The following TVP23B variants were observed in gnomAD, a reference collection of about 807,000 sequenced individuals.
The protein encoded by TVP23B is trans-golgi network vesicle protein 23 homolog B.
In TVP23B, 10 loss-of-function variants were observed where a neutral mutation model predicts 30.6. The observed-to-expected ratio is 0.33, with a 90% CI of 0.20 to 0.55. The LOEUF is 0.55. TVP23B is among the 20% of genes least tolerant of loss of function. The pLI is 0.91. For missense variants in TVP23B, 153 were observed against 243.2 expected (o/e 0.63, Z 2.47); for synonymous variants, 67 against 83.1 (o/e 0.81, Z 1.06).
At chr17:18,792,720 C>T (rs1463712296) in intron 3 of TVP23B, among the ~76,000 whole-genome samples, 1 of 152,000 alleles carries the variant, frequency 6.6e-6, no homozygotes, top group African/African-American at 2.4e-5. Context: ...TGTTTTTAAA[C>T]AAGGGCTTAA....
At chr17:18,797,354 G>A (rs2036091468) in intron 3 of TVP23B, 2 of 526,870 alleles carry the variant, frequency 3.8e-6, no homozygotes, top group African/African-American at 1.9e-5. Flanking sequence ...ATGTTTATGG[G>A]TGGACTTGTT....
chr17:18,783,497 C>T (rs1366724619), intron 1 of TVP23B, among the ~76,000 whole-genome samples: 1 of 152,230 alleles, frequency 6.6e-6, no homozygotes, highest in Non-Finnish European at 1.5e-5. Flanking sequence ...AGCCCCTTCA[C>T]CCTCTCGCCT....
intron 1 of TVP23B, among the ~76,000 whole-genome samples, chr17:18,785,612 G>A (rs1012097000): frequency 3.3e-5 from 5 of 152,094 alleles, no homozygotes; most frequent in African/African-American, 4.8e-5. Context: ...GGTGGCTCAT[G>A]CCTCTAATCG....
Position 18,789,388 on chromosome 17 carries a change from T to G in TVP23B, c.48T>G (p.Phe16Leu). The G allele has an allele frequency of 6.2e-7, 1 of 1,614,016 alleles. No homozygotes were observed. Among genetic ancestry groups the G allele is most frequent in the Non-Finnish European group, 8.5e-7 (1 of 1,179,874 alleles). Residue 16 changes from phenylalanine to leucine, a missense_variant, in exon 2 of 7, where the codon TTT (phenylalanine) becomes TTG (leucine). Coordinates refer to ENST00000307767, the MANE Select transcript of TVP23B (RefSeq NM_016078.6). The stretch of plus-strand genomic sequence containing the variant: ...ATGACACTGAAGATGTTTCACTGTT[T>G]GATGCGGAAGAGGAGACGACTAATA... ...SNDDTEDVSL[F>L]DAEEETTNRP...
chr17:18,790,260 T>TA (rs958660856), intron 2 of TVP23B, among the ~76,000 whole-genome samples: 2 of 151,808 alleles, frequency 1.3e-5, no homozygotes, highest in African/African-American at 2.4e-5. Flanking sequence ...GTCAGGAGAT[T>TA]GAGATCATCC....
chr17:18,782,976 A>G (rs1014100919), intron 1 of TVP23B, among the ~76,000 whole-genome samples: 3 of 150,570 alleles, frequency 2.0e-5, no homozygotes, highest in African/African-American at 7.3e-5. Flanking sequence ...CCCAGCTCCT[A>G]TTGAAGATGG....
intron 1 of TVP23B, among the ~76,000 whole-genome samples, chr17:18,786,568 C>A (rs545569558): frequency 6.6e-6 from 1 of 152,220 alleles, no homozygotes; most frequent in African/African-American, 2.4e-5. Flanking sequence ...CGGTGGATCT[C>A]AATCTTGCTG....
chr17:18,783,092 G>C lies in TVP23B; in HGVS notation c.12+1787G>C, dbSNP rs8070325. ...TGTTCCCACTATTTATTTATTTATT[G>C]ATTGATTGATTGATTCATTCATTCA... On this transcript the variant is annotated intron_variant, in intron 1 of 6. Transcript: ENST00000307767. Among the ~76,000 whole-genome samples, 28 of 78,228 alleles carry C rather than the reference G, an allele frequency of 3.6e-4. No homozygotes were observed. In the East Asian group the frequency reaches 4.6e-3, roughly 13 times the overall value. 51.3% of individuals were successfully genotyped at this position (78,228 alleles called of 152,430 possible).
intron 5 of TVP23B, among the ~76,000 whole-genome samples, chr17:18,803,575 G>A (rs1417129782): frequency 1.3e-5 from 2 of 152,236 alleles, no homozygotes; most frequent in Non-Finnish European, 2.9e-5. Flanking sequence ...AAACAGCTCT[G>A]CAAAAGTACA....
intron 1 of TVP23B, among the ~76,000 whole-genome samples, chr17:18,783,184 C>T (rs1297579054): frequency 6.6e-6 from 1 of 151,492 alleles, no homozygotes; most frequent in Admixed American, 6.6e-5. Flanking sequence ...CGGCTCACTG[C>T]AACCTCTGCC....
At chr17:18,798,042 CTTTCA>C (rs1444403268) in intron 4 of TVP23B, among the ~76,000 whole-genome samples, 8 of 151,990 alleles carry the variant, frequency 5.3e-5, no homozygotes, top group Non-Finnish European at 1.0e-4. Flanking sequence ...CTGTGGTCGT[CTTTCA>C]TTTCTGGGCA....
Position 18,806,096 on chromosome 17 carries a change from G to T in TVP23B, c.*529G>T. 1.0e-6 allele frequency: 1 copy of T among 971,292 alleles called. No homozygotes were observed. The highest frequency in any genetic ancestry group is 1.1e-4 in the East Asian group (1 of 8,752). 60.2% of individuals were successfully genotyped at this position (971,292 alleles called of 1,614,324 possible). On this transcript the variant is annotated 3_prime_UTR_variant, in exon 7 of 7. Transcript: ENST00000307767. The stretch of plus-strand genomic sequence containing the variant: ...CACTTCGTGGGGAAATTTCTTAGAC[G>T]TATGCAAGCAAGTGAAAACAATTAG...
chr17:18,797,268 A>T (rs1473221522), intron 3 of TVP23B: 2 of 296,926 alleles, frequency 6.7e-6, no homozygotes, highest in Non-Finnish European at 1.3e-5. Context: ...CACAGTAACC[A>T]AATAGCAAGG....
At position 18,806,233 on chromosome 17, in the gene TVP23B, A is replaced by G. The variant is rs567049141; in HGVS notation, c.*666A>G. The G allele has an allele frequency of 6.3e-6, 6 of 949,412 alleles. No homozygotes were observed. The East Asian group carries it at 3.5e-4, about 55-fold the overall frequency. The allele number at this position is 949,412 out of a possible 1,614,324, so 58.8% of individuals were successfully genotyped here. On this transcript the variant is annotated 3_prime_UTR_variant, in exon 7 of 7. Coordinates refer to ENST00000307767, the MANE Select transcript of TVP23B (RefSeq NM_016078.6). ...ATCATAGTTTAAGGAATACCCAGAG[A>G]TTGCTGCTGTTCTATTTATTTTACA...
intron 1 of TVP23B, among the ~76,000 whole-genome samples, chr17:18,788,122 G>A (rs1376123010): frequency 2.6e-5 from 4 of 151,450 alleles, no homozygotes. Flanking sequence ...GGATCACAAG[G>A]TCATGAAATC....
intron 5 of TVP23B, 46 bp downstream of exon 5, chr17:18,798,989 A>G (rs1035752900): frequency 6.3e-7 from 1 of 1,579,150 alleles, no homozygotes; most frequent in Non-Finnish European, 8.6e-7. Context: ...AAGATGTCTG[A>G]TGGTAATCAT....
intron 1 of TVP23B, among the ~76,000 whole-genome samples, chr17:18,784,022 G>T (rs1177734309): frequency 6.6e-6 from 1 of 152,064 alleles, no homozygotes; most frequent in African/African-American, 2.4e-5. Flanking sequence ...GCGGGCACCT[G>T]TAGTCCCAGC....
At chr17:18,782,927 G>C (rs1384718652) in intron 1 of TVP23B, among the ~76,000 whole-genome samples, 1 of 151,064 alleles carries the variant, frequency 6.6e-6, no homozygotes, top group Non-Finnish European at 1.5e-5. Flanking sequence ...AGAATGCCCT[G>C]TCTGGGAATG....
intron 1 of TVP23B, among the ~76,000 whole-genome samples, chr17:18,786,778 C>T (rs2151843615): frequency 6.6e-6 from 1 of 151,870 alleles, no homozygotes; most frequent in East Asian, 1.9e-4. Flanking sequence ...TCGCATCCAT[C>T]ACTTACTGCA....
Sources: allele counts gnomAD v4.1 joint callset (sites outside exome capture counted in the v4.1 genomes callset), GRCh38; gene constraint gnomAD v4.1.1; transcripts MANE v1.5; gene names NCBI Gene and HGNC (gene_info 2026-07-23, HGNC 2026-07-21).